NUP54: variants seen among roughly 807,000 people sequenced by gnomAD.
NUP54 encodes nucleoporin 54, also known as nucleoporin p54.
A neutral mutation model predicts 66.4 loss-of-function variants in NUP54; 27 were observed. The observed-to-expected ratio is 0.41, with a 90% CI of 0.30 to 0.56. NUP54 has a LOEUF of 0.56. Among genes scored for constraint, NUP54 ranks in the 20% least tolerant of loss-of-function variants. NUP54 has a pLI of 0.34. For missense variants in NUP54, 486 were observed against 596.3 expected (o/e 0.82, Z 1.93); for synonymous variants, 206 against 210.7 (o/e 0.98, Z 0.19).
chr4:76,146,064 A>C (rs1337589181), intron 1 of NUP54: 1 of 441,172 alleles, frequency 2.3e-6, no homozygotes, highest in Non-Finnish European at 4.5e-6. Flanking sequence ...TTGGCTACGC[A>C]ATAGAAACAC....
intron 9 of NUP54, among the ~76,000 whole-genome samples, chr4:76,119,815 T>G (rs1730148087): frequency 6.6e-6 from 1 of 152,086 alleles, no homozygotes; most frequent in African/African-American, 2.4e-5. Context: ...CCTTCCATAC[T>G]CTCATCCATG....
At chr4:76,125,865 G>GAGAGA (rs1730514701) in intron 8 of NUP54, among the ~76,000 whole-genome samples, 1 of 90,046 alleles carries the variant, frequency 1.1e-5, no homozygotes, top group African/African-American at 4.6e-5. Flanking sequence ...GGAGGGGGAG[G>GAGAGA]GAGAGAGAGA....
chr4:76,129,966 GTTTTTTTTTTTTTTTTTTT>G (rs775109047), intron 8 of NUP54, among the ~76,000 whole-genome samples: 6 of 56,862 alleles, frequency 1.1e-4, no homozygotes, highest in South Asian at 8.1e-4. Context: ...AATTATGAAA[GTTTTTTTTTTTTTTTTTTT>G]TTTTTTTTTT....
In NUP54 at chr4:76,115,208, G is replaced by T; in HGVS notation, c.*158C>A. ...GAAGAGCTGTGAGGTGACTATTTCA[G>T]ATTTGATGAACAGTAATTTGTCAGT... is the stretch of plus-strand genomic sequence containing the variant. On this transcript the variant is annotated 3_prime_UTR_variant, in exon 12 of 12. Coordinates refer to ENST00000264883, the MANE Select transcript of NUP54 (RefSeq NM_017426.4). 1.9e-6 allele frequency: 1 copy of T among 539,896 alleles called. No homozygotes were observed. The highest frequency in any genetic ancestry group is 3.0e-6 in the Non-Finnish European group (1 of 333,382). 33.4% of individuals were successfully genotyped at this position (539,896 alleles called of 1,614,324 possible). A position where few individuals can be genotyped will look rare whatever the true frequency, so the allele number is the denominator to read the frequency against.
At chr4:76,126,939 G>T (rs1264154603) in intron 8 of NUP54, among the ~76,000 whole-genome samples, 1 of 151,928 alleles carries the variant, frequency 6.6e-6, no homozygotes, top group Admixed American at 6.6e-5. Flanking sequence ...ACCAAGATTA[G>T]AGATTCATGC....
intron 1 of NUP54, among the ~76,000 whole-genome samples, chr4:76,145,161 A>C (rs1731434300): frequency 6.6e-6 from 1 of 151,758 alleles, no homozygotes; most frequent in African/African-American, 2.4e-5. Context: ...TACTAAAAAT[A>C]CAAAAAATTA....
chr4:76,136,321 C>G lies in NUP54; in HGVS notation c.387G>C (p.Leu129=). ...AAATAGCATCTCTCTCATCTCCCAA[C>G]AGCGTTGGAGCAGAAAGAGCACTCG... ...NTASALSAPT[L]LGDERDAILA... The change falls in exon 4 of 12, where the codon CTG becomes CTC. Residue 129 remains leucine (L), a synonymous_variant. Coordinates refer to ENST00000264883, the MANE Select transcript of NUP54 (RefSeq NM_017426.4). The G allele has an allele frequency of 6.2e-7, 1 of 1,614,058 alleles. No homozygotes were observed. The highest frequency in any genetic ancestry group is 2.2e-5 in the East Asian group (1 of 44,874).
intron 8 of NUP54, among the ~76,000 whole-genome samples, chr4:76,125,277 C>T (rs1349632961): frequency 8.8e-6 from 1 of 114,192 alleles, no homozygotes; most frequent in Non-Finnish European, 2.0e-5. Context: ...GAAACTCCAT[C>T]TCACAGAAAC....
intron 9 of NUP54, among the ~76,000 whole-genome samples, chr4:76,122,616 A>G (rs913070299): frequency 6.6e-6 from 1 of 152,228 alleles, no homozygotes; most frequent in Non-Finnish European, 1.5e-5. Flanking sequence ...GAAATGTAAA[A>G]TGGTACAGTT....
chr4:76,121,733 T>C (rs1730246460), intron 9 of NUP54, among the ~76,000 whole-genome samples: 1 of 152,228 alleles, frequency 6.6e-6, no homozygotes, highest in African/African-American at 2.4e-5. Context: ...ATACCTATAC[T>C]TTCCTCAGAA....
chr4:76,145,043 G>T (rs1731425855), intron 1 of NUP54, among the ~76,000 whole-genome samples: 1 of 152,100 alleles, frequency 6.6e-6, no homozygotes, highest in Non-Finnish European at 1.5e-5. Flanking sequence ...TTTTGGCTGG[G>T]CGCGGTGGCT....
intron 8 of NUP54, among the ~76,000 whole-genome samples, chr4:76,127,737 A>G (rs1730605888): frequency 6.6e-6 from 1 of 152,220 alleles, no homozygotes; most frequent in Non-Finnish European, 1.5e-5. Context: ...AGAAACTAGA[A>G]GATATTTACA....
chr4:76,148,126 C>T lies in NUP54; in HGVS notation c.67+182G>A, dbSNP rs1006744709. ...GAGCTTCTAGTGGGACCCCGAGTAC[C>T]CCCGTGGCCTCCTCGGGTGCCGCCT... On this transcript the variant is annotated intron_variant, in intron 1 of 11. Coordinates refer to ENST00000264883, the MANE Select transcript of NUP54 (RefSeq NM_017426.4). The T allele has an allele frequency of 9.0e-6, 4 of 444,238 alleles. No homozygotes were observed. The Admixed American group carries it at 1.2e-4, about 14-fold the overall frequency. 27.5% of individuals were successfully genotyped at this position (444,238 alleles called of 1,614,324 possible). A position where few individuals can be genotyped will look rare whatever the true frequency, so the allele number is the denominator to read the frequency against.
rs765028638 is a variant in NUP54, at chr4:76,124,687, T to C, written c.1126A>G (p.Lys376Glu). Residue 376 changes from lysine (K) to glutamate (E), a missense_variant, in exon 9 of 12, where the codon AAG becomes GAG. Physicochemically the swap from Lys to Glu is moderately conservative, Grantham distance 56 (BLOSUM62 1). Around this residue, in one of 4 missense-constraint regions of NUP54, gnomAD observed 217 missense variants for 247.9 expected, o/e 0.88. Coordinates refer to ENST00000264883, the MANE Select transcript of NUP54 (RefSeq NM_017426.4). ...TTSVAKIAQYKRKLMDLSHRT... is the reference protein window; with the variant it reads ...TTSVAKIAQYERKLMDLSHRT... ...TGGGAAAGATCCATGAGTTTCCTCT[T>C]GTATTGTGCAATTTTGGCTACAGAT... 1 of 1,604,852 alleles carries C rather than the reference T, an allele frequency of 6.2e-7. No individual in the cohort carries two copies.
chr4:76,119,005 C>CAA (rs1032715220), intron 9 of NUP54, among the ~76,000 whole-genome samples: 1 of 151,770 alleles, frequency 6.6e-6, no homozygotes, highest in South Asian at 2.1e-4. Flanking sequence ...GACTCTGTCT[C>CAA]AAAAAACAGA....
intron 3 of NUP54, among the ~76,000 whole-genome samples, chr4:76,137,529 A>G (rs1731087464): frequency 6.6e-6 from 1 of 152,230 alleles, no homozygotes; most frequent in Non-Finnish European, 1.5e-5. Context: ...ATACCAGCTT[A>G]CTAAACATTT....
chr4:76,118,746 T>C (rs1041020772), intron 9 of NUP54, among the ~76,000 whole-genome samples: 2 of 151,674 alleles, frequency 1.3e-5, no homozygotes, highest in African/African-American at 4.8e-5. Flanking sequence ...GGCTCACACC[T>C]GTAATCCCAG....
At chr4:76,147,731 G>A (rs1322559278) in intron 1 of NUP54, 3 of 1,048,396 alleles carry the variant, frequency 2.9e-6, no homozygotes, top group Non-Finnish European at 2.5e-6. Context: ...AGAATCAGCA[G>A]GAGGTTTCAC....
rs1243456498 is a variant in NUP54 at position 76,144,246 on chromosome 4, A to G, written c.198T>C (p.Gly66=). The G allele has an allele frequency of 1.2e-6, 2 of 1,613,946 alleles. No individual in the cohort carries two copies. The highest frequency in any genetic ancestry group is 1.3e-5 in the African/African-American group (1 of 74,886). ...TQNKGFGFGT[G]FGTTTGTSTG... ...TACTAGTTCCCGTTGTTGTGCCAAA[A>G]CCAGTACCAAATCCAAAACCTTTGT... is the stretch of plus-strand genomic sequence containing the variant. The change falls in exon 3 of 12, where the codon GGT becomes GGC. Residue 66 remains glycine (G), a synonymous_variant. Coordinates refer to ENST00000264883, the MANE Select transcript of NUP54 (RefSeq NM_017426.4).
Sources: allele counts gnomAD v4.1 joint callset (sites outside exome capture counted in the v4.1 genomes callset), GRCh38; gene constraint gnomAD v4.1.1; regional missense constraint gnomAD v4.1.1; transcripts MANE v1.5; gene names NCBI Gene and HGNC (gene_info 2026-07-23, HGNC 2026-07-21).